The following ABCC3 variants were observed in gnomAD, a reference collection of about 807,000 sequenced individuals.
ABCC3 encodes ATP-binding cassette sub-family C member 3.
Under a neutral mutation model 165.3 loss-of-function variants are expected in ABCC3, and 121 were observed. That is an observed-to-expected ratio of 0.73 (90% CI 0.63 to 0.85). The LOEUF is 0.85. ABCC3 is among the 40% of genes least tolerant of loss of function. ABCC3 has a pLI of 0.00. For missense variants in ABCC3, 1,869 were observed against 1,964.1 expected (o/e 0.95, Z 0.92); for synonymous variants, 733 against 810.1 (o/e 0.90, Z 1.62).
chr17:50,689,565 T>C (rs1454001644), intron 30 of ABCC3, among the ~76,000 whole-genome samples: 1 of 152,204 alleles, frequency 6.6e-6, no homozygotes, highest in Non-Finnish European at 1.5e-5. Flanking sequence ...CAAGAAACAC[T>C]TGCAGGACGA....
chr17:50,691,322 T>A lies in ABCC3; in HGVS notation c.*122T>A. ...TGGGGGCACCTTAAGATTTTGCACC[T>A]GTAAAGTGCCTTACAGGGTAACTGT... On this transcript the variant is annotated 3_prime_UTR_variant, in exon 31 of 31. Coordinates refer to ENST00000285238, the MANE Select transcript of ABCC3 (RefSeq NM_003786.4). The A allele has an allele frequency of 1.4e-6, 1 of 732,408 alleles. No individual in the cohort carries two copies. Among genetic ancestry groups the A allele is most frequent in the South Asian group, 1.6e-5 (1 of 61,638 alleles). The allele number at this position is 732,408 out of a possible 1,614,324, so 45.4% of individuals were successfully genotyped here.
rs773783303 is a variant in ABCC3 at position 50,667,664 on chromosome 17, G to A, written c.1542G>A (p.Val514=). The change falls in exon 12 of 31, where the codon GTG becomes GTA. Residue 514 remains valine, a synonymous_variant. Coordinates refer to ENST00000285238, the MANE Select transcript of ABCC3 (RefSeq NM_003786.4). ...GGGAGCCCAGCTTCCTGAAGCAGGT[G>A]GAGGGCATCAGGCAGGGTGAGCTCC... ...YAWEPSFLKQ[V]EGIRQGELQL... 1.5e-5 allele frequency: 25 copies of A among 1,614,098 alleles called. No homozygotes were observed. Among genetic ancestry groups the A allele is most frequent in the Non-Finnish European group, 2.1e-5 (25 of 1,180,046 alleles).
At chr17:50,655,569 T>G (rs370292346) in intron 1 of ABCC3, among the ~76,000 whole-genome samples, 4 of 152,198 alleles carry the variant, frequency 2.6e-5, no homozygotes, top group African/African-American at 9.6e-5. Flanking sequence ...ACACTTTAAT[T>G]GGGTGCAGTT....
intron 1 of ABCC3, among the ~76,000 whole-genome samples, chr17:50,650,272 A>AT: frequency 6.6e-6 from 1 of 151,972 alleles, no homozygotes; most frequent in African/African-American, 2.4e-5. Context: ...CACCCGGCTT[A>AT]TTTTTTGTAT....
intron 1 of ABCC3, among the ~76,000 whole-genome samples, chr17:50,655,099 C>CAAA (rs66488957): frequency 1.8e-4 from 8 of 43,552 alleles, no homozygotes; most frequent in African/African-American, 5.7e-4. Flanking sequence ...GACTCCATCT[C>CAAA]AAAAAAAAAA....
rs144978137 is a variant in ABCC3 at position 50,648,748 on chromosome 17, C to T, written c.46-7084C>T. Among the ~76,000 whole-genome samples, 19 of 152,270 alleles carry T rather than the reference C, an allele frequency of 1.2e-4. No individual in the cohort carries two copies. In the East Asian group the frequency reaches 3.7e-3, roughly 29 times the overall value. On this transcript the variant is annotated intron_variant, in intron 1 of 30. Coordinates refer to ENST00000285238, the MANE Select transcript of ABCC3 (RefSeq NM_003786.4). ...GGAGTCCCAGATCCAGTCCCAAATC[C>T]ACCTGCCCCCAACACACAGAGCAGC...
rs1205639443 is a variant in ABCC3 at position 50,677,745 on chromosome 17, G to A, written c.3380G>A (p.Arg1127His). The A allele has an allele frequency of 1.4e-5, 23 of 1,613,620 alleles. No homozygotes were observed. The highest frequency in any genetic ancestry group is 1.9e-5 in the Non-Finnish European group (23 of 1,179,784). The change falls in exon 24 of 31, where the codon CGC becomes CAC. Residue 1127 changes from arginine to histidine, a missense_variant and splice_region_variant. Arg to His is a conservative substitution (Grantham distance 29). Coordinates refer to ENST00000285238, the MANE Select transcript of ABCC3 (RefSeq NM_003786.4). ...CCAAACTCCTTCTCCCTCCATCAGC[G>A]CTTCTATGCAGCCACATCACGGCAA... ...PLAVLYTLVQ[R>H]FYAATSRQLK...
chr17:50,664,381 A>T, intron 10 of ABCC3: 2 of 477,772 alleles, frequency 4.2e-6, no homozygotes, highest in Non-Finnish European at 7.6e-6. Flanking sequence ...AAGGAGGGTT[A>T]TTCTGGGTTA....
At chr17:50,675,505 C>A (rs2072365) in intron 20 of ABCC3, 29 bp downstream of exon 20, 2 of 1,603,196 alleles carry the variant, frequency 1.2e-6, no homozygotes, top group South Asian at 1.1e-5. Context: ...CCAGCCCTCC[C>A]GGAGGCTGTA....
chr17:50,653,344 C>CAA (rs1298179994), intron 1 of ABCC3, among the ~76,000 whole-genome samples: 60 of 47,644 alleles, frequency 1.3e-3, no homozygotes, highest in Admixed American at 2.3e-3. Flanking sequence ...GAGACTGTCT[C>CAA]AAAAAAAAAA....
chr17:50,660,260 T>C (rs1027744616), intron 7 of ABCC3, among the ~76,000 whole-genome samples: 1 of 152,146 alleles, frequency 6.6e-6, no homozygotes, highest in Non-Finnish European at 1.5e-5. Flanking sequence ...GTCAGCCTCT[T>C]ATCAAGGACC....
At chr17:50,680,393 C>T (rs1040313716) in intron 26 of ABCC3, among the ~76,000 whole-genome samples, 3 of 152,116 alleles carry the variant, frequency 2.0e-5, no homozygotes, top group Non-Finnish European at 4.4e-5. Context: ...TTGTTCCCTA[C>T]TGGGGGTTCC....
At chr17:50,654,604 T>C (rs1967184055) in intron 1 of ABCC3, among the ~76,000 whole-genome samples, 1 of 152,108 alleles carries the variant, frequency 6.6e-6, no homozygotes, top group South Asian at 2.1e-4. Flanking sequence ...ACTCTCCATA[T>C]CCTTTGGTTC....
chr17:50,678,009 G>A, intron 24 of ABCC3, 66 bp downstream of exon 24: 1 of 1,613,972 alleles, frequency 6.2e-7, no homozygotes, highest in South Asian at 1.1e-5. Flanking sequence ...TGGTGTTCAG[G>A]GTCCTTGTCC....
intron 19 of ABCC3, among the ~76,000 whole-genome samples, chr17:50,673,992 C>CCT (rs1967734049): frequency 7.4e-5 from 1 of 13,482 alleles, no homozygotes; most frequent in African/African-American, 4.7e-4. Flanking sequence ...CTCTCTCTCT[C>CCT]TCTCTCTCTC....
At chr17:50,649,566 G>A (rs1477473197) in intron 1 of ABCC3, among the ~76,000 whole-genome samples, 1 of 140,566 alleles carries the variant, frequency 7.1e-6, no homozygotes, top group Non-Finnish European at 1.5e-5. Flanking sequence ...CTGGGTGACA[G>A]AGTGAGACTT....
intron 1 of ABCC3, among the ~76,000 whole-genome samples, chr17:50,639,882 G>A (rs1309357135): frequency 6.6e-6 from 1 of 151,752 alleles, no homozygotes; most frequent in East Asian, 1.9e-4. Flanking sequence ...TCCTGCCTCA[G>A]CCTCCCAAGT....
intron 26 of ABCC3, among the ~76,000 whole-genome samples, chr17:50,681,423 G>A (rs1967927447): frequency 6.6e-6 from 1 of 152,054 alleles, no homozygotes; most frequent in Admixed American, 6.6e-5. Context: ...TTCTTCTCAT[G>A]GCCGCTTGAG....
At chr17:50,675,231 T>C (rs1967773583) in intron 19 of ABCC3, 131 bp from the exon 20 acceptor site, 2 of 592,606 alleles carry the variant, frequency 3.4e-6, no homozygotes, top group Non-Finnish European at 5.8e-6. Flanking sequence ...CTTGTTGCCC[T>C]TTCAATCCCC....
Sources: allele counts gnomAD v4.1 joint callset (sites outside exome capture counted in the v4.1 genomes callset), GRCh38; gene constraint gnomAD v4.1.1; transcripts MANE v1.5; gene names NCBI Gene and HGNC (gene_info 2026-07-23, HGNC 2026-07-21).